The following MMP26 variants were observed in gnomAD, a reference collection of about 807,000 sequenced individuals.
MMP26 encodes the protein matrix metalloproteinase-26.
MMP26 carries 33 observed loss-of-function variants against 31.0 expected under a neutral mutation model. The observed-to-expected ratio is 1.06, with a 90% CI of 0.81 to 1.42. The LOEUF is 1.42. MMP26 is among the 40% of genes most tolerant of loss of function. MMP26 has a pLI of 0.00. For synonymous variants in MMP26, 122 were observed against 114.9 expected (o/e 1.06, Z -0.40); for missense variants, 347 against 316.1 (o/e 1.10, Z -0.74).
chr11:4,894,874 C>G (rs958360083), intron 2 of MMP26, among the ~76,000 whole-genome samples: 1 of 152,014 alleles, frequency 6.6e-6, no homozygotes, highest in South Asian at 2.1e-4. Flanking sequence ...TTTCTGCTTT[C>G]CAAATCAGTT....
intron 2 of MMP26, chr11:4,890,597 G>C (rs746613448): frequency 6.6e-6 from 1 of 152,184 alleles, no homozygotes; most frequent in Non-Finnish European, 1.5e-5. Context: ...GAAGGTGCAT[G>C]ATGAGTCCAT....
chr11:4,841,162 C>T (rs1164247976), intron 2 of MMP26, among the ~76,000 whole-genome samples: 2 of 152,066 alleles, frequency 1.3e-5, no homozygotes, highest in Non-Finnish European at 2.9e-5. Flanking sequence ...AGCGTACTTA[C>T]AGGATCCAGA....
At chr11:4,980,200 G>A (rs1354370820) in intron 2 of MMP26, among the ~76,000 whole-genome samples, 2 of 152,022 alleles carry the variant, frequency 1.3e-5, no homozygotes, top group African/African-American at 2.4e-5. Context: ...GAGTATCAGG[G>A]TCAGTTACCC....
At chr11:4,730,817 C>A (rs1271680224) in intron 1 of MMP26, among the ~76,000 whole-genome samples, 1 of 152,180 alleles carries the variant, frequency 6.6e-6, no homozygotes, top group Non-Finnish European at 1.5e-5. Flanking sequence ...CCTGCTACAT[C>A]AGTAAAACTT....
intron 2 of MMP26, chr11:4,769,734 A>T: frequency 6.2e-7 from 1 of 1,613,812 alleles, no homozygotes; most frequent in Non-Finnish European, 8.5e-7. Flanking sequence ...AGGAAATAAT[A>T]CATGGGTTCA....
At chr11:4,884,405 T>C (rs1386481215) in intron 2 of MMP26, among the ~76,000 whole-genome samples, 1 of 152,172 alleles carries the variant, frequency 6.6e-6, no homozygotes, top group Non-Finnish European at 1.5e-5. Flanking sequence ...TGTTCTCATA[T>C]TGCTGCCAAA....
rs560428263 is a variant in MMP26, at chr11:4,806,480, G to C, written c.-145+39139G>C. Reference sequence around the variant, plus strand: ...TGATCCCTTTACCATTATGTAATGGGCTTCTTTGTCTCTTTTGATCTTTGT... The same window carrying C: ...TGATCCCTTTACCATTATGTAATGGCCTTCTTTGTCTCTTTTGATCTTTGT... On this transcript the variant is annotated intron_variant, in intron 2 of 7. Coordinates refer to ENST00000380390, the MANE Select transcript of MMP26 (RefSeq NM_021801.5). Among the ~76,000 whole-genome samples, 754 of 152,082 alleles carry C rather than the reference G, an allele frequency of 5.0e-3. 9 individuals are homozygous for C. Among genetic ancestry groups the C allele is most frequent in the African/African-American group, 0.016 (648 of 41,514 alleles).
chr11:4,970,353 GCAAGT>G (rs374441575), intron 2 of MMP26, among the ~76,000 whole-genome samples: 2,521 of 152,236 alleles, frequency 0.017, 26 homozygotes, highest in Non-Finnish European at 0.025. Context: ...TACCTTTTAG[GCAAGT>G]GCCTGAGGAA....
In MMP26 at chr11:4,786,805, G is replaced by A. The variant is rs1309654574; in HGVS notation, c.-145+19464G>A. On this transcript the variant is annotated intron_variant, in intron 2 of 7. Transcript: ENST00000380390. ...TGAGTTCCCAATCTTCCTCCTAACA[G>A]GCTTCCCTGGGCTGGAGGCCTTCCA... 2.0e-5 allele frequency: 3 copies of A among 152,688 alleles called. No homozygotes were observed. In the Admixed American group the frequency reaches 2.0e-4, roughly 10 times the overall value. The allele number at this position is 152,688 out of a possible 1,614,324, so 9.5% of individuals were successfully genotyped here.
intron 2 of MMP26, among the ~76,000 whole-genome samples, chr11:4,823,991 A>G (rs763021279): frequency 2.5e-4 from 38 of 152,154 alleles, no homozygotes; most frequent in Non-Finnish European, 4.9e-4. Context: ...GATAACCTAT[A>G]TATAAGAGTC....
At chr11:4,886,600 A>G (rs1850548814) in intron 2 of MMP26, among the ~76,000 whole-genome samples, 1 of 151,822 alleles carries the variant, frequency 6.6e-6, no homozygotes, top group Admixed American at 6.6e-5. Context: ...CTGCCAAATA[A>G]ATATATCTTT....
rs1850923928 is a variant in MMP26 at position 4,907,808 on chromosome 11, A to C, written c.-144-80260A>C. On this transcript the variant is annotated intron_variant, in intron 2 of 7. Coordinates refer to ENST00000380390, the MANE Select transcript of MMP26 (RefSeq NM_021801.5). Reference sequence around the variant, plus strand: ...CAACAGGGTTGCTAAAATGGGACTTATTTTAGCCATTAGGAGCATTCTCTT... The same window carrying C: ...CAACAGGGTTGCTAAAATGGGACTTCTTTTAGCCATTAGGAGCATTCTCTT... The C allele has an allele frequency of 1.9e-6, 3 of 1,613,988 alleles. No individual in the cohort carries two copies. Among genetic ancestry groups the C allele is most frequent in the Non-Finnish European group, 2.5e-6 (3 of 1,179,976 alleles).
At chr11:4,859,741 A>G (rs1850115420) in intron 2 of MMP26, 1 of 471,240 alleles carries the variant, frequency 2.1e-6, no homozygotes, top group Non-Finnish European at 4.4e-6. Context: ...GACCATGTGC[A>G]CTACTGGTGA....
chr11:4,919,653 A>T (rs1483060356), intron 2 of MMP26, among the ~76,000 whole-genome samples: 1 of 152,160 alleles, frequency 6.6e-6, no homozygotes, highest in Non-Finnish European at 1.5e-5. Flanking sequence ...ATAATGTTTT[A>T]TGTGTGATAT....
intron 2 of MMP26, among the ~76,000 whole-genome samples, chr11:4,854,973 A>G (rs61882285): frequency 0.2 from 30,392 of 152,114 alleles, 3,922 homozygotes; most frequent in South Asian, 0.34. Context: ...GACCTCCAGC[A>G]AACTCCAACA....
chr11:4,898,831 C>CTGTGTGTGTGTG (rs1157500335), intron 2 of MMP26, among the ~76,000 whole-genome samples: 2 of 94,156 alleles, frequency 2.1e-5, no homozygotes, highest in Admixed American at 1.2e-4. Flanking sequence ...CTCTCTCTCT[C>CTGTGTGTGTGTG]TGTGTGTGTG....
At position 4,856,011 on chromosome 11, in the gene MMP26, C is replaced by A. The variant is rs569622722; in HGVS notation, c.-145+88670C>A. ...AAGGAGAAATAAAATCCTTTACAGA[C>A]AAGCAAATGCTGAGAGATTTTGTCA... On this transcript the variant is annotated intron_variant, in intron 2 of 7. Transcript: ENST00000380390. 2.2e-4 allele frequency among the ~76,000 whole-genome samples: 34 copies of A among 152,260 alleles called. No individual in the cohort carries two copies. The East Asian group carries it at 6.6e-3, about 29-fold the overall frequency.
At chr11:4,951,275 C>T (rs35837167) in intron 2 of MMP26, among the ~76,000 whole-genome samples, 4 of 123,900 alleles carry the variant, frequency 3.2e-5, no homozygotes, top group East Asian at 2.3e-4. Context: ...AGAATAAGTG[C>T]CATTAGTTCA....
In MMP26 at chr11:4,915,078, C is replaced by T. The variant is rs771383654; in HGVS notation, c.-144-72990C>T. On this transcript the variant is annotated intron_variant, in intron 2 of 7. Transcript: ENST00000380390. ...CCGTAGATGCTGTTGGCCTTCATGT[C>T]GGCACAGGCCAATTTCATCACTTCT... The T allele has an allele frequency of 1.3e-5, 21 of 1,613,692 alleles. 1 individual carries two copies. The highest frequency in any genetic ancestry group is 9.4e-5 in the African/African-American group (7 of 74,838).
Sources: allele counts gnomAD v4.1 joint callset (sites outside exome capture counted in the v4.1 genomes callset), GRCh38; gene constraint gnomAD v4.1.1; transcripts MANE v1.5; gene names NCBI Gene and HGNC (gene_info 2026-07-23, HGNC 2026-07-21).